Variants in ENTPD1 observed in about 807,000 individuals in gnomAD.
The protein encoded by ENTPD1 is ectonucleoside triphosphate diphosphohydrolase 1, also known as ATP diphosphohydrolase.
A neutral mutation model predicts 57.0 loss-of-function variants in ENTPD1; 33 were observed. The ratio of observed to expected loss-of-function variants is 0.58; its 90% CI spans 0.44 to 0.77. ENTPD1 has a LOEUF of 0.77. Ranked by LOEUF, ENTPD1 falls within the 30% of genes least tolerant of loss-of-function variation. The pLI, the probability that ENTPD1 is intolerant of heterozygous loss-of-function variation, is 0.00. For synonymous variants in ENTPD1, 202 were observed against 218.8 expected (o/e 0.92, Z 0.68); for missense variants, 501 against 603.4 (o/e 0.83, Z 1.78).
upstream of ENTPD1, among the ~76,000 whole-genome samples, chr10:95,752,191 C>T (rs2098013078): frequency 6.6e-6 from 1 of 152,026 alleles, no homozygotes; most frequent in Non-Finnish European, 1.5e-5. Context: ...GTTTCATTGG[C>T]ATGGTGCGGT....
chr10:95,708,125 C>T (rs577880324), upstream of ENTPD1, among the ~76,000 whole-genome samples: 4 of 152,120 alleles, frequency 2.6e-5, no homozygotes, highest in African/African-American at 7.2e-5. Flanking sequence ...TTTTGGAGGG[C>T]CATAGGTCAG....
intron 9 of ENTPD1, 42 bp from the exon 10 acceptor site, chr10:95,866,135 T>A: frequency 6.3e-7 from 1 of 1,588,982 alleles, no homozygotes; most frequent in Non-Finnish European, 8.6e-7. Flanking sequence ...ATAACTCTTC[T>A]AACTCCTCCA....
intron 1 of ENTPD1, among the ~76,000 whole-genome samples, chr10:95,766,197 A>G (rs2098087699): frequency 6.6e-6 from 1 of 152,162 alleles, no homozygotes; most frequent in Admixed American, 6.5e-5. Context: ...CCATTTGAGA[A>G]TAAGTTGTAT....
chr10:95,777,359 G>C (rs1050834341), intron 1 of ENTPD1, among the ~76,000 whole-genome samples: 1 of 152,180 alleles, frequency 6.6e-6, no homozygotes, highest in Non-Finnish European at 1.5e-5. Flanking sequence ...ATTCCTTTCT[G>C]TTTGTTAGTT....
At chr10:95,838,949 CT>C (rs1180284878) in intron 2 of ENTPD1, among the ~76,000 whole-genome samples, 1 of 152,060 alleles carries the variant, frequency 6.6e-6, no homozygotes, top group African/African-American at 2.4e-5. Flanking sequence ...TCATCTCCCC[CT>C]ACTCGTAAAG....
In ENTPD1 at chr10:95,872,661, A is replaced by T; in HGVS notation, c.*6278A>T. 2 of 956,866 alleles carry T rather than the reference A, an allele frequency of 2.1e-6. No individual in the cohort carries two copies. Among genetic ancestry groups the T allele is most frequent in the Non-Finnish European group, 2.4e-6 (2 of 818,526 alleles). The allele number at this position is 956,866 out of a possible 1,614,324, so 59.3% of individuals were successfully genotyped here. A position where few individuals can be genotyped will look rare whatever the true frequency, so the allele number is the denominator to read the frequency against. On this transcript the variant is annotated 3_prime_UTR_variant, in exon 10 of 10. Coordinates refer to ENST00000371205, the MANE Select transcript of ENTPD1 (RefSeq NM_001776.6). ...TACCTATTTCTTTCTGAAAAGTTGG[A>T]TTCAGGGATATTATCACGGACCTAA...
chr10:95,844,451 T>C, intron 4 of ENTPD1, 25 bp from the exon 5 acceptor site: 1 of 1,613,806 alleles, frequency 6.2e-7, no homozygotes, highest in Admixed American at 1.7e-5. Context: ...ACAAAAATGA[T>C]AACCTCAGCT....
chr10:95,804,106 C>A (rs1270008530), intron 1 of ENTPD1, among the ~76,000 whole-genome samples: 1 of 152,110 alleles, frequency 6.6e-6, no homozygotes, highest in East Asian at 1.9e-4. Flanking sequence ...GTTACTGTAG[C>A]CTTGTAGTAT....
At chr10:95,731,689 C>CCCTATCA (rs1191911118) in intron 1 of ENTPD1, among the ~76,000 whole-genome samples, 7 of 151,658 alleles carry the variant, frequency 4.6e-5, no homozygotes, top group Non-Finnish European at 1.0e-4. Context: ...CCCAGGGGGT[C>CCCTATCA]CCTATCAAGA....
intron 2 of ENTPD1, among the ~76,000 whole-genome samples, chr10:95,828,386 A>T (rs1298668243): frequency 6.6e-6 from 1 of 152,184 alleles, no homozygotes; most frequent in Non-Finnish European, 1.5e-5. Context: ...CATTATGGTG[A>T]GTTGTGTAAT....
chr10:95,873,549 C>A lies in ENTPD1; in HGVS notation c.*7166C>A, dbSNP rs796922082. 1.3e-5 allele frequency: 13 copies of A among 985,418 alleles called. No homozygotes were observed. In the African/African-American group the frequency reaches 2.1e-4, roughly 16 times the overall value. 61.0% of individuals were successfully genotyped at this position (985,418 alleles called of 1,614,324 possible). ...ATAGGAAAGAGTAGGTAGGTTATGC[C>A]AGCTCACACGCATCCTTTAAAAATG... On this transcript the variant is annotated 3_prime_UTR_variant, in exon 10 of 10. Coordinates refer to ENST00000371205, the MANE Select transcript of ENTPD1 (RefSeq NM_001776.6).
chr10:95,856,806 T>C (rs968335253), intron 7 of ENTPD1, among the ~76,000 whole-genome samples: 4 of 150,454 alleles, frequency 2.7e-5, no homozygotes, highest in African/African-American at 9.7e-5. Flanking sequence ...ATTTGTCTAG[T>C]ATCATCATAT....
chr10:95,776,466 C>A (rs537523541), intron 1 of ENTPD1, among the ~76,000 whole-genome samples: 2 of 152,214 alleles, frequency 1.3e-5, no homozygotes, highest in Admixed American at 1.3e-4. Context: ...GAATATTGGC[C>A]CCCACTCTCT....
chr10:95,856,807 A>G (rs926186311), intron 7 of ENTPD1, among the ~76,000 whole-genome samples: 7 of 150,498 alleles, frequency 4.7e-5, no homozygotes, highest in African/African-American at 1.7e-4. Context: ...TTTGTCTAGT[A>G]TCATCATATT....
chr10:95,728,963 A>AAT (rs1323532620), intron 1 of ENTPD1, among the ~76,000 whole-genome samples: 1 of 152,202 alleles, frequency 6.6e-6, no homozygotes, highest in Non-Finnish European at 1.5e-5. Context: ...AAACAATAAA[A>AAT]TAGACTAATA....
rs35615283 is a variant in ENTPD1 at position 95,826,571 on chromosome 10, CAAAAAA to C, written c.144+3224_144+3229del. Among the ~76,000 whole-genome samples, 525 of 107,976 alleles carry C rather than the reference CAAAAAA, an allele frequency of 4.9e-3. 3 individuals carry two copies. The highest frequency in any genetic ancestry group is 5.6e-3 in the Non-Finnish European group (300 of 54,036). The allele number at this position is 107,976 out of a possible 152,430, so 70.8% of individuals were successfully genotyped here. A position where few individuals can be genotyped will look rare whatever the true frequency, so the allele number is the denominator to read the frequency against. ...TGGGCTACAGAGTGAGACGCCAACTCAAAAAAAAAAAAAAAAAAAAAATTCCAGGCA... is the reference window on the plus strand; with the variant it reads ...TGGGCTACAGAGTGAGACGCCAACTCAAAAAAAAAAAAAAAATTCCAGGCA... On this transcript the variant is annotated intron_variant, in intron 2 of 9. Transcript: ENST00000371205.
chr10:95,870,319 C>G lies in ENTPD1; in HGVS notation c.*3936C>G. ...TTTTTTTTTTGGAGCTAGTCTTGCT[C>G]TGTTGCCCAGGCTGGAATGCAGTGG... is the stretch of plus-strand genomic sequence containing the variant. On this transcript the variant is annotated 3_prime_UTR_variant, in exon 10 of 10. Transcript: ENST00000371205. 1 of 978,636 alleles carries G rather than the reference C, an allele frequency of 1.0e-6. No individual in the cohort carries two copies. Among genetic ancestry groups the G allele is most frequent in the South Asian group, 4.7e-5 (1 of 21,118 alleles). 60.6% of individuals were successfully genotyped at this position (978,636 alleles called of 1,614,324 possible).
intron 1 of ENTPD1, among the ~76,000 whole-genome samples, chr10:95,765,802 T>A (rs1453057934): frequency 6.6e-6 from 1 of 152,170 alleles, no homozygotes; most frequent in African/African-American, 2.4e-5. Flanking sequence ...ATATTAAATC[T>A]TCTAATCCAT....
Position 95,791,728 on chromosome 10 carries a change from C to T in ENTPD1, c.17-31509C>T, listed in dbSNP as rs113254160. 5.4e-4 allele frequency among the ~76,000 whole-genome samples: 82 copies of T among 152,226 alleles called. 1 individual carries two copies. Among genetic ancestry groups the T allele is most frequent in the Admixed American group, 1.1e-3 (17 of 15,280 alleles). On this transcript the variant is annotated intron_variant, in intron 1 of 9. Transcript: ENST00000371205. The surrounding 1 kb of genome is among the most constrained non-coding windows in gnomAD (Gnocchi z 4.1). ...ACTTTGGCTGTACATTAGAATCACC[C>T]GGCTGGGGGTAGAGGTGTTAAAAGT... is the stretch of plus-strand genomic sequence containing the variant.
Sources: gnomAD v4.1 joint callset for allele counts (sites outside exome capture counted in the v4.1 genomes callset) on GRCh38, gnomAD v4.1.1 for gene constraint, Gnocchi (gnomAD v3.1) non-coding constraint, MANE v1.5 for transcripts, NCBI Gene and HGNC (gene_info 2026-07-23, HGNC 2026-07-21) for gene names.